The following PALS2 variants were observed in gnomAD, a reference collection of about 807,000 sequenced individuals.
PALS2 encodes protein associated with LIN7 2, MAGUK p55 family member.
Under a neutral mutation model 61.6 loss-of-function variants are expected in PALS2, and 27 were observed. The observed-to-expected ratio is 0.44, with a 90% CI of 0.32 to 0.60. PALS2 has a LOEUF of 0.60. Among genes scored for constraint, PALS2 ranks in the 20% least tolerant of loss-of-function variants. The pLI is 0.05. For missense variants in PALS2, 554 were observed against 639.4 expected (o/e 0.87, Z 1.44); for synonymous variants, 236 against 218.6 (o/e 1.08, Z -0.70).
Position 24,689,850 on chromosome 7 carries a change from T to C in PALS2, c.*2236T>C, listed in dbSNP as rs1255013216. 6.6e-6 allele frequency: 1 copy of C among 152,204 alleles called. No homozygotes were observed. The highest frequency in any genetic ancestry group is 1.5e-5 in the Non-Finnish European group (1 of 68,030). 9.4% of individuals were successfully genotyped at this position (152,204 alleles called of 1,614,324 possible). A position where few individuals can be genotyped will look rare whatever the true frequency, so the allele number is the denominator to read the frequency against. ...ATTTCAGTTCTTCACTCAGGAAATG[T>C]GCTGTATTCTCTAATGTACTTTCAT... On this transcript the variant is annotated 3_prime_UTR_variant, in exon 12 of 12. Coordinates refer to ENST00000222644, the MANE Select transcript of PALS2 (RefSeq NM_001303037.2).
chr7:24,642,560 C>T (rs1383645932), intron 3 of PALS2, among the ~76,000 whole-genome samples: 1 of 152,138 alleles, frequency 6.6e-6, no homozygotes, highest in Non-Finnish European at 1.5e-5. Context: ...GACTGGGACA[C>T]TGCATTTTCG....
chr7:24,634,235 A>G (rs979231630), intron 2 of PALS2, among the ~76,000 whole-genome samples: 10 of 150,546 alleles, frequency 6.6e-5, no homozygotes, highest in Non-Finnish European at 1.2e-4. Flanking sequence ...TTTGTTTTTT[A>G]TTTTTATTTT....
chr7:24,616,169 T>C (rs1469582074), intron 1 of PALS2, among the ~76,000 whole-genome samples: 1 of 152,112 alleles, frequency 6.6e-6, no homozygotes, highest in African/African-American at 2.4e-5. Context: ...ACCAGTCTTA[T>C]TCAGCACAGT....
At chr7:24,684,366 C>G (rs1788089408) in intron 11 of PALS2, among the ~76,000 whole-genome samples, 1 of 152,148 alleles carries the variant, frequency 6.6e-6, no homozygotes, top group South Asian at 2.1e-4. Flanking sequence ...GTATTTAGGT[C>G]AGTTATTCTT....
At chr7:24,588,361 C>T (rs1783155378) in intron 1 of PALS2, among the ~76,000 whole-genome samples, 1 of 152,098 alleles carries the variant, frequency 6.6e-6, no homozygotes, top group African/African-American at 2.4e-5. Context: ...TATTTCTACC[C>T]ATCTTCATTT....
At chr7:24,577,102 A>G (rs1782668400) in intron 1 of PALS2, among the ~76,000 whole-genome samples, 1 of 152,160 alleles carries the variant, frequency 6.6e-6, no homozygotes, top group East Asian at 1.9e-4. Context: ...TTCCTTAATT[A>G]TGATAGACTA....
intron 1 of PALS2, among the ~76,000 whole-genome samples, chr7:24,619,505 CAG>C (rs1784412149): frequency 1.3e-5 from 2 of 152,024 alleles, no homozygotes; most frequent in Non-Finnish European, 2.9e-5. Context: ...ATCAGGAGGT[CAG>C]GGGATGGAGA....
chr7:24,576,968 G>C (rs1782664136), intron 1 of PALS2, among the ~76,000 whole-genome samples: 1 of 152,018 alleles, frequency 6.6e-6, no homozygotes, highest in Admixed American at 6.6e-5. Flanking sequence ...TCAAAAGCCT[G>C]GTTTCTACTT....
At chr7:24,599,775 G>C (rs1488066216) in intron 1 of PALS2, among the ~76,000 whole-genome samples, 2 of 151,822 alleles carry the variant, frequency 1.3e-5, no homozygotes, top group Non-Finnish European at 2.9e-5. Context: ...AAAGTGCCGG[G>C]ATTACAGGTG....
intron 1 of PALS2, among the ~76,000 whole-genome samples, chr7:24,607,090 T>C (rs577267151): frequency 2.9e-4 from 44 of 152,280 alleles, no homozygotes; most frequent in African/African-American, 9.6e-4. Flanking sequence ...ATTAGAGATG[T>C]TCAACCTGTA....
intron 2 of PALS2, among the ~76,000 whole-genome samples, chr7:24,630,140 T>C (rs1385424030): frequency 6.6e-6 from 1 of 152,192 alleles, no homozygotes; most frequent in Non-Finnish European, 1.5e-5. Flanking sequence ...TGGAATAGTA[T>C]GCGGCCATAA....
At chr7:24,646,878 C>T (rs893589755) in intron 3 of PALS2, among the ~76,000 whole-genome samples, 3 of 152,008 alleles carry the variant, frequency 2.0e-5, no homozygotes, top group Admixed American at 6.6e-5. Context: ...GCTCAGTCTT[C>T]GGAGGTTGTA....
At chr7:24,681,205 G>C (rs1452412521) in intron 11 of PALS2, among the ~76,000 whole-genome samples, 1 of 151,862 alleles carries the variant, frequency 6.6e-6, no homozygotes, top group Non-Finnish European at 1.5e-5. Context: ...TCTATTACAT[G>C]TTTTTTCCTT....
intron 1 of PALS2, among the ~76,000 whole-genome samples, chr7:24,589,638 G>C (rs1212816485): frequency 1.3e-5 from 2 of 152,042 alleles, no homozygotes; most frequent in African/African-American, 4.8e-5. Flanking sequence ...CTGGAGGGAG[G>C]AATTTATGTT....
At chr7:24,676,426 T>C (rs1052796032) in intron 9 of PALS2, among the ~76,000 whole-genome samples, 1 of 152,058 alleles carries the variant, frequency 6.6e-6, no homozygotes, top group African/African-American at 2.4e-5. Flanking sequence ...TTGCTTTTGG[T>C]GTTTTAGACA....
intron 1 of PALS2, among the ~76,000 whole-genome samples, chr7:24,591,238 C>A (rs1444779992): frequency 6.6e-6 from 1 of 151,984 alleles, no homozygotes; most frequent in African/African-American, 2.4e-5. Context: ...AATGTAAATA[C>A]CTTTCCATTT....
chr7:24,662,800 A>AAAAAG (rs1554311606), intron 5 of PALS2, among the ~76,000 whole-genome samples: 2 of 130,736 alleles, frequency 1.5e-5, no homozygotes, highest in Non-Finnish European at 3.3e-5. Context: ...AAAAAAAGAA[A>AAAAAG]GAAAGAAAGA....
intron 10 of PALS2, 107 bp from the exon 11 acceptor site, chr7:24,680,285 C>T: frequency 8.8e-7 from 1 of 1,140,228 alleles, no homozygotes; most frequent in East Asian, 2.5e-5. Context: ...AAGTTATGTC[C>T]TTTAATTCAT....
chr7:24,677,324 C>A (rs1244892140), intron 9 of PALS2, among the ~76,000 whole-genome samples: 1 of 152,058 alleles, frequency 6.6e-6, no homozygotes, highest in Non-Finnish European at 1.5e-5. Flanking sequence ...CAAACAGGGA[C>A]AATTTGACTT....
Sources: allele counts gnomAD v4.1 joint callset (sites outside exome capture counted in the v4.1 genomes callset), GRCh38; gene constraint gnomAD v4.1.1; transcripts MANE v1.5; gene names NCBI Gene and HGNC (gene_info 2026-07-23, HGNC 2026-07-21).